Variants in LIPI observed in about 807,000 individuals in gnomAD.
LIPI encodes lipase I.
A neutral mutation model predicts 50.6 loss-of-function variants in LIPI; 59 were observed. That is an observed-to-expected ratio of 1.16 (90% CI 0.94 to 1.45). The LOEUF (loss-of-function observed/expected upper bound fraction) is 1.45. LIPI is among the 40% of genes most tolerant of loss of function. The pLI is 0.00. For synonymous variants in LIPI, 203 were observed against 178.2 expected (o/e 1.14, Z -1.11); for missense variants, 586 against 536.3 (o/e 1.09, Z -0.92).
At chr21:14,171,158 G>A (rs1348200474) in intron 4 of LIPI, among the ~76,000 whole-genome samples, 1 of 150,658 alleles carries the variant, frequency 6.6e-6, no homozygotes, top group African/African-American at 2.4e-5. Context: ...CAACTTACAA[G>A]GGATGTGATT....
chr21:14,173,408 C>A (rs1301201492), intron 4 of LIPI, among the ~76,000 whole-genome samples: 1 of 152,136 alleles, frequency 6.6e-6, no homozygotes, highest in Admixed American at 6.5e-5. Context: ...GTTTATGTAG[C>A]CCTGTAGATC....
At chr21:14,182,385 C>T (rs2019304130) in intron 3 of LIPI, among the ~76,000 whole-genome samples, 2 of 152,032 alleles carry the variant, frequency 1.3e-5, no homozygotes, top group Admixed American at 1.3e-4. Context: ...ATTTTAAATT[C>T]CATGGAGTGT....
intron 9 of LIPI, among the ~76,000 whole-genome samples, chr21:14,115,606 G>A (rs140009654): frequency 1.5e-3 from 229 of 152,264 alleles, no homozygotes; most frequent in African/African-American, 5.3e-3. Flanking sequence ...GCCCCAGGAC[G>A]TGGGAGATTT....
At chr21:14,182,895 T>C (rs374423510) in intron 3 of LIPI, among the ~76,000 whole-genome samples, 3 of 151,952 alleles carry the variant, frequency 2.0e-5, no homozygotes, top group East Asian at 3.9e-4. Flanking sequence ...ATCAATATAT[T>C]GTGAAAAGGT....
chr21:14,135,520 A>G (rs1374166173), intron 9 of LIPI, among the ~76,000 whole-genome samples: 1 of 152,142 alleles, frequency 6.6e-6, no homozygotes, highest in Non-Finnish European at 1.5e-5. Context: ...ACAGCAATTG[A>G]GAGGCATTGA....
At chr21:14,130,710 G>C (rs140856903) in intron 9 of LIPI, among the ~76,000 whole-genome samples, 41 of 152,296 alleles carry the variant, frequency 2.7e-4, no homozygotes, top group Non-Finnish European at 5.1e-4. Flanking sequence ...GCCAGAGGAG[G>C]GATGGAGAGA....
At chr21:14,185,438 C>T (rs891561278) in intron 3 of LIPI, among the ~76,000 whole-genome samples, 3 of 152,172 alleles carry the variant, frequency 2.0e-5, no homozygotes, top group African/African-American at 7.2e-5. Context: ...GTTTTTCTCC[C>T]ATTTCCATTT....
chr21:14,169,889 CA>C (rs1425997681), intron 4 of LIPI, among the ~76,000 whole-genome samples: 1 of 151,918 alleles, frequency 6.6e-6, no homozygotes, highest in Non-Finnish European at 1.5e-5. Context: ...GAAATAGAGA[CA>C]CAAAAAACCC....
At chr21:14,137,550 A>G (rs2017547161) in intron 9 of LIPI, among the ~76,000 whole-genome samples, 1 of 152,186 alleles carries the variant, frequency 6.6e-6, no homozygotes, top group Admixed American at 6.6e-5. Context: ...AGAAGAGAAA[A>G]AAGAATATAA....
At chr21:14,121,872 G>A (rs1448908734) in intron 9 of LIPI, among the ~76,000 whole-genome samples, 1 of 152,192 alleles carries the variant, frequency 6.6e-6, no homozygotes, top group African/African-American at 2.4e-5. Flanking sequence ...CCACACCAGA[G>A]GCTGGTTGGT....
chr21:14,195,428 T>A (rs1250077144), intron 1 of LIPI, among the ~76,000 whole-genome samples: 2 of 152,126 alleles, frequency 1.3e-5, no homozygotes, highest in Admixed American at 6.6e-5. Flanking sequence ...CAGACTTTAG[T>A]TTAAATGGCA....
rs368826576 is a variant in LIPI at position 14,181,798 on chromosome 21, C to A, written c.603G>T (p.Thr201=). Reference sequence around the variant, plus strand: ...GGATGACATCCACAAACTTTGCATCCGTGTAATCTAATCTGCTATATGGTG... The same window carrying A: ...GGATGACATCCACAAACTTTGCATCAGTGTAATCTAATCTGCTATATGGTG... ...RKPPYSRLDY[T]DAKFVDVIHS... is the part of the protein sequence containing the mutation. Residue 201 remains threonine (T), a synonymous_variant, in exon 4 of 10, where the codon ACG becomes ACT. Coordinates refer to ENST00000681601, the MANE Select transcript of LIPI (RefSeq NM_001302998.2). 12 of 1,612,246 alleles carry A rather than the reference C, an allele frequency of 7.4e-6. No individual in the cohort carries two copies. The East Asian group carries it at 1.1e-4, about 15-fold the overall frequency.
Position 14,166,561 on chromosome 21 carries a change from A to T in LIPI, c.644-110T>A, listed in dbSNP as rs577110167. The T allele has an allele frequency of 1.7e-4, 117 of 698,954 alleles. No individual in the cohort carries two copies. In the African/African-American group the frequency reaches 1.9e-3, roughly 11 times the overall value. The allele number at this position is 698,954 out of a possible 1,614,324, so 43.3% of individuals were successfully genotyped here. ...TTGAAAGTTACTCTTTAAATATTAG[A>T]ATTGAAAATAAGTGCTGTTTTTATA... is the stretch of plus-strand genomic sequence containing the variant. On this transcript the variant is annotated intron_variant, in intron 4 of 9. Transcript: ENST00000681601.
In LIPI at chr21:14,165,281, G is replaced by A. The variant is rs375330994; in HGVS notation, c.843C>T (p.Tyr281=). 15 of 1,612,650 alleles carry A rather than the reference G, an allele frequency of 9.3e-6. No individual in the cohort carries two copies. The highest frequency in any genetic ancestry group is 1.3e-5 in the Non-Finnish European group (15 of 1,179,084). ...CACAGTCCACACATAAGCTAGTCTT[G>A]TAATCTTTGTATGAACGACAAGGAA... ...ISFPCRSYKD[Y]KTSLCVDCDC... is the part of the protein sequence containing the mutation. Residue 281 remains tyrosine (Y), a synonymous_variant, in exon 6 of 10, where the codon TAC becomes TAT. Transcript: ENST00000681601.
chr21:14,162,377 C>G (rs775038433), intron 7 of LIPI, among the ~76,000 whole-genome samples: 14 of 151,582 alleles, frequency 9.2e-5, no homozygotes, highest in Non-Finnish European at 1.9e-4. Context: ...TGTTCAGCAG[C>G]TTCATTGTGG....
intron 4 of LIPI, among the ~76,000 whole-genome samples, chr21:14,175,190 A>G (rs2019051893): frequency 6.8e-6 from 1 of 146,100 alleles, no homozygotes; most frequent in Admixed American, 6.7e-5. Flanking sequence ...TCTGTTGGTT[A>G]CATACCTAGG....
rs553242895 is a variant in LIPI, at chr21:14,171,603, C to G, written c.644-5152G>C. Among the ~76,000 whole-genome samples the G allele has an allele frequency of 8.8e-3, 1,325 of 150,782 alleles. 16 individuals are homozygous for G. Among genetic ancestry groups the G allele is most frequent in the African/African-American group, 0.03 (1,232 of 41,228 alleles). Reference sequence around the variant, plus strand: ...TGATCTTTGACAAACCTGAGAAAAACAAGAAATGGGGAAAGGATTCCCTAT... The same window carrying G: ...TGATCTTTGACAAACCTGAGAAAAAGAAGAAATGGGGAAAGGATTCCCTAT... On this transcript the variant is annotated intron_variant, in intron 4 of 9. Transcript: ENST00000681601.
At chr21:14,176,124 G>A (rs920215311) in intron 4 of LIPI, among the ~76,000 whole-genome samples, 1 of 149,090 alleles carries the variant, frequency 6.7e-6, no homozygotes, top group East Asian at 2.0e-4. Flanking sequence ...CTTGCAGTGA[G>A]CTGAGATCGC....
intron 1 of LIPI, among the ~76,000 whole-genome samples, chr21:14,203,502 C>T (rs1481020776): frequency 6.6e-6 from 1 of 151,930 alleles, no homozygotes; most frequent in Non-Finnish European, 1.5e-5. Flanking sequence ...TACTATGCAG[C>T]CATAAAAAAG....
Sources: allele counts gnomAD v4.1 joint callset (sites outside exome capture counted in the v4.1 genomes callset), GRCh38; gene constraint gnomAD v4.1.1; transcripts MANE v1.5; gene names NCBI Gene and HGNC (gene_info 2026-07-23, HGNC 2026-07-21).